CDK19: variants seen among roughly 807,000 people sequenced by gnomAD.
CDK19 encodes the protein cyclin-dependent kinase 19.
A neutral mutation model predicts 68.3 loss-of-function variants in CDK19; 20 were observed. The observed-to-expected ratio is 0.29, with a 90% CI of 0.21 to 0.43. The LOEUF (loss-of-function observed/expected upper bound fraction) is 0.43. Ranked by LOEUF, CDK19 falls within the 20% of genes least tolerant of loss-of-function variation. The pLI is 1.00. For synonymous variants in CDK19, 221 were observed against 222.8 expected, an observed-to-expected ratio of 0.99 and a Z score of 0.07; for missense variants, 339 against 623.5, an observed-to-expected ratio of 0.54 and a Z score of 4.86.
At chr6:110,637,761 C>A (rs547997674) in intron 5 of CDK19, among the ~76,000 whole-genome samples, 1 of 152,152 alleles carries the variant, frequency 6.6e-6, no homozygotes, top group Non-Finnish European at 1.5e-5. Context: ...AGGCAGATCA[C>A]CTGAGGTCAG....
At chr6:110,710,304 G>A (rs369032217) in intron 2 of CDK19, among the ~76,000 whole-genome samples, 1 of 152,090 alleles carries the variant, frequency 6.6e-6, no homozygotes, top group Non-Finnish European at 1.5e-5. Context: ...GCAACTCACC[G>A]GGGAGTCATT....
chr6:110,769,368 C>A (rs1316660640), intron 1 of CDK19, among the ~76,000 whole-genome samples: 1 of 151,482 alleles, frequency 6.6e-6, no homozygotes, highest in African/African-American at 2.4e-5. Context: ...AGTTCGAGAC[C>A]AGCCTGGCCA....
chr6:110,681,370 T>A (rs1772003905), intron 2 of CDK19, among the ~76,000 whole-genome samples: 1 of 152,066 alleles, frequency 6.6e-6, no homozygotes, highest in South Asian at 2.1e-4. Context: ...CAAACAGAAA[T>A]ATGCCAAAAC....
At chr6:110,757,114 C>CA (rs1187132737) in intron 1 of CDK19, among the ~76,000 whole-genome samples, 11 of 152,268 alleles carry the variant, frequency 7.2e-5, no homozygotes, top group Admixed American at 5.9e-4. Context: ...TAGAAACAGA[C>CA]AAAACCACAC....
In CDK19 at chr6:110,815,235, C is replaced by A. The variant is rs1194926587; in HGVS notation, c.-99G>T. 7.8e-7 allele frequency: 1 copy of A among 1,282,272 alleles called. No individual in the cohort carries two copies. The highest frequency in any genetic ancestry group is 9.9e-7 in the Non-Finnish European group (1 of 1,006,700). The allele number at this position is 1,282,272 out of a possible 1,614,324, so 79.4% of individuals were successfully genotyped here. A position where few individuals can be genotyped will look rare whatever the true frequency, so the allele number is the denominator to read the frequency against. On this transcript the variant is annotated 5_prime_UTR_variant, in exon 1 of 13. Transcript: ENST00000368911. ...ACCGCCGCTCCACTTCTCCAACAGC[C>A]GCCTCTCGCGCGCGCGCGCGCGCCG...
chr6:110,754,803 C>T (rs1191983347), intron 1 of CDK19, among the ~76,000 whole-genome samples: 1 of 152,050 alleles, frequency 6.6e-6, no homozygotes, highest in Non-Finnish European at 1.5e-5. Flanking sequence ...TTATAGAAAA[C>T]ATTATCTTAC....
At chr6:110,785,920 T>C (rs775942908) in intron 1 of CDK19, among the ~76,000 whole-genome samples, 2 of 151,390 alleles carry the variant, frequency 1.3e-5, no homozygotes, top group African/African-American at 4.9e-5. Context: ...GCAGAGATTG[T>C]CGTGAGTCGA....
intron 2 of CDK19, among the ~76,000 whole-genome samples, chr6:110,734,170 A>G (rs201994158): frequency 6.6e-6 from 1 of 151,786 alleles, no homozygotes; most frequent in Non-Finnish European, 1.5e-5. Context: ...CTACCACGTC[A>G]GGCTAATTTT....
chr6:110,617,660 T>TACACACAC (rs1317691490), intron 12 of CDK19, among the ~76,000 whole-genome samples: 75 of 66,812 alleles, frequency 1.1e-3, no homozygotes, highest in African/African-American at 3.3e-3. Context: ...TTTATATATA[T>TACACACAC]ATACACACAC....
chr6:110,634,950 A>G (rs1313475806), intron 5 of CDK19, among the ~76,000 whole-genome samples: 1 of 152,266 alleles, frequency 6.6e-6, no homozygotes, highest in East Asian at 1.9e-4. Flanking sequence ...TTTAAAAACA[A>G]TTCCCATCTA....
At chr6:110,747,647 TA>T (rs1778169617) in intron 1 of CDK19, among the ~76,000 whole-genome samples, 1 of 152,216 alleles carries the variant, frequency 6.6e-6, no homozygotes, top group Non-Finnish European at 1.5e-5. Context: ...ATATTGCCTT[TA>T]AAAAGCCAAA....
chr6:110,614,326 G>C lies in CDK19; in HGVS notation c.*209C>G. ...GTCACAATGGAACACATGCAGGGAA[G>C]GGGTGCTGGGGAAACTTCACAAGAA... On this transcript the variant is annotated 3_prime_UTR_variant, in exon 13 of 13. Transcript: ENST00000368911. 2.3e-6 allele frequency: 1 copy of C among 435,872 alleles called. No homozygotes were observed. The highest frequency in any genetic ancestry group is 4.1e-6 in the Non-Finnish European group (1 of 242,590). 27.0% of individuals were successfully genotyped at this position (435,872 alleles called of 1,614,324 possible).
At chr6:110,786,949 G>C (rs1781266822) in intron 1 of CDK19, among the ~76,000 whole-genome samples, 1 of 152,094 alleles carries the variant, frequency 6.6e-6, no homozygotes, top group African/African-American at 2.4e-5. Flanking sequence ...AACCCAAACT[G>C]CATTTGCACA....
intron 1 of CDK19, among the ~76,000 whole-genome samples, chr6:110,779,110 A>C (rs1583080776): frequency 6.6e-6 from 1 of 152,146 alleles, no homozygotes; most frequent in Non-Finnish European, 1.5e-5. Flanking sequence ...CTAAAATACA[A>C]ATCAGAATCG....
intron 2 of CDK19, among the ~76,000 whole-genome samples, chr6:110,712,611 C>G (rs1301582115): frequency 3.3e-5 from 5 of 152,168 alleles, no homozygotes; most frequent in African/African-American, 7.2e-5. Context: ...CTTTGGGGTT[C>G]TTGCCGCCCA....
intron 1 of CDK19, among the ~76,000 whole-genome samples, chr6:110,765,729 T>C (rs1207333222): frequency 6.7e-6 from 1 of 149,550 alleles, no homozygotes; most frequent in African/African-American, 2.5e-5. Flanking sequence ...ATTATATATA[T>C]AAATATAACA....
intron 2 of CDK19, among the ~76,000 whole-genome samples, chr6:110,680,113 G>A (rs1771885532): frequency 6.6e-6 from 1 of 152,060 alleles, no homozygotes; most frequent in African/African-American, 2.4e-5. Context: ...AATTATTCCA[G>A]GGACGCTAAG....
chr6:110,735,413 T>C (rs917156360), intron 2 of CDK19, among the ~76,000 whole-genome samples: 7 of 152,166 alleles, frequency 4.6e-5, no homozygotes, highest in East Asian at 1.9e-4. Flanking sequence ...TTTAATAATT[T>C]ATTAACAGCC....
chr6:110,736,508 C>A (rs558451219), intron 2 of CDK19, among the ~76,000 whole-genome samples: 1 of 152,108 alleles, frequency 6.6e-6, no homozygotes, highest in South Asian at 2.1e-4. Flanking sequence ...CGATCTGAAG[C>A]CAAAGGCATA....
Sources: allele counts gnomAD v4.1 joint callset (sites outside exome capture counted in the v4.1 genomes callset), GRCh38; gene constraint gnomAD v4.1.1; transcripts MANE v1.5; gene names NCBI Gene and HGNC (gene_info 2026-07-23, HGNC 2026-07-21).